Variants in SLC24A2 observed in about 807,000 individuals in gnomAD.
SLC24A2 encodes the protein solute carrier family 24 member 2.
SLC24A2 carries 36 observed loss-of-function variants against 62.0 expected under a neutral mutation model. The observed-to-expected ratio is 0.58, with a 90% CI of 0.44 to 0.77. The LOEUF (loss-of-function observed/expected upper bound fraction) is 0.77. Among genes scored for constraint, SLC24A2 ranks in the 30% least tolerant of loss-of-function variants. The pLI, the probability that SLC24A2 is intolerant of heterozygous loss-of-function variation, is 0.00. For missense variants in SLC24A2, 846 were observed against 817.9 expected (o/e 1.03, Z -0.42); for synonymous variants, 358 against 294.0 (o/e 1.22, Z -2.23).
the SLC24A2 span, among the ~76,000 whole-genome samples, chr9:19,888,606 A>C: frequency 6.6e-6 from 1 of 152,158 alleles, no homozygotes; most frequent in Non-Finnish European, 1.5e-5. Flanking sequence ...GGGATTCTGG[A>C]AGAGTAGAAA....
At chr9:20,094,843 A>T in the SLC24A2 span, among the ~76,000 whole-genome samples, 1 of 152,114 alleles carries the variant, frequency 6.6e-6, no homozygotes, top group East Asian at 1.9e-4. Context: ...GAAATGGTAA[A>T]CCAGTGGATT....
At chr9:19,807,217 G>T in the SLC24A2 span, among the ~76,000 whole-genome samples, 3 of 152,206 alleles carry the variant, frequency 2.0e-5, no homozygotes, top group Non-Finnish European at 4.4e-5. Context: ...TATAATGCCA[G>T]TACTTTAAGT....
At chr9:19,589,817 G>A (rs1274503308) in intron 5 of SLC24A2, among the ~76,000 whole-genome samples, 1 of 152,146 alleles carries the variant, frequency 6.6e-6, no homozygotes, top group Non-Finnish European at 1.5e-5. Flanking sequence ...GTAGACTGCA[G>A]ATCAATGTCT....
the SLC24A2 span, among the ~76,000 whole-genome samples, chr9:20,271,128 C>A: frequency 1.3e-5 from 2 of 152,166 alleles, no homozygotes; most frequent in Admixed American, 6.6e-5. Context: ...CCATAAAGGG[C>A]TCCCATAGAG....
the SLC24A2 span, among the ~76,000 whole-genome samples, chr9:20,166,552 G>T: frequency 6.6e-6 from 1 of 151,884 alleles, no homozygotes; most frequent in Non-Finnish European, 1.5e-5. Context: ...CAATGTACAG[G>T]AGTATATATG....
At chr9:19,725,349 C>G (rs1821140802) in intron 2 of SLC24A2, among the ~76,000 whole-genome samples, 1 of 152,150 alleles carries the variant, frequency 6.6e-6, no homozygotes, top group African/African-American at 2.4e-5. Context: ...GTTGTTTTCT[C>G]AGTAGCTAAA....
the SLC24A2 span, among the ~76,000 whole-genome samples, chr9:20,030,512 A>C: frequency 6.6e-6 from 1 of 152,146 alleles, no homozygotes; most frequent in Non-Finnish European, 1.5e-5. Flanking sequence ...GGCTGCACCA[A>C]TACGGTGAGC....
At chr9:19,692,146 T>C (rs2118470194) in intron 2 of SLC24A2, among the ~76,000 whole-genome samples, 1 of 152,306 alleles carries the variant, frequency 6.6e-6, no homozygotes, top group Non-Finnish European at 1.5e-5. Context: ...CATAGATGAA[T>C]GGCAATTATG....
the SLC24A2 span, among the ~76,000 whole-genome samples, chr9:19,822,938 T>C: frequency 6.6e-6 from 1 of 152,092 alleles, no homozygotes; most frequent in Non-Finnish European, 1.5e-5. Flanking sequence ...GCAGCCTCCT[T>C]CCTTCCTCTT....
chr9:19,724,122 G>C (rs1821105451), intron 2 of SLC24A2, among the ~76,000 whole-genome samples: 2 of 152,086 alleles, frequency 1.3e-5, no homozygotes, highest in African/African-American at 2.4e-5. Flanking sequence ...TGACACATTT[G>C]TTCCACCTGG....
chr9:19,860,232 T>C, the SLC24A2 span, among the ~76,000 whole-genome samples: 1 of 152,266 alleles, frequency 6.6e-6, no homozygotes, highest in South Asian at 2.1e-4. Flanking sequence ...GGGAGGACTT[T>C]ATTTTACATC....
the SLC24A2 span, among the ~76,000 whole-genome samples, chr9:19,999,716 G>T: frequency 6.6e-6 from 1 of 152,288 alleles, no homozygotes; most frequent in Admixed American, 6.5e-5. Context: ...GTCAGTGAGT[G>T]AGCAGTTATG....
chr9:20,073,919 G>GATATATATATAT, the SLC24A2 span, among the ~76,000 whole-genome samples: 11 of 140,794 alleles, frequency 7.8e-5, no homozygotes, highest in African/African-American at 2.3e-4. Flanking sequence ...CTTGTGGGGA[G>GATATATATATAT]ATATATATAT....
chr9:20,042,113 G>A, the SLC24A2 span, among the ~76,000 whole-genome samples: 3 of 152,204 alleles, frequency 2.0e-5, no homozygotes. Flanking sequence ...TCCCTGGTGG[G>A]CAGACTGTGG....
chr9:19,874,155 C>T, the SLC24A2 span, among the ~76,000 whole-genome samples: 1 of 147,742 alleles, frequency 6.8e-6, no homozygotes, highest in Non-Finnish European at 1.5e-5. Context: ...TCTTGGCTCA[C>T]TGCAACCTCT....
At chr9:20,077,785 C>G in the SLC24A2 span, among the ~76,000 whole-genome samples, 2 of 152,162 alleles carry the variant, frequency 1.3e-5, no homozygotes, top group Non-Finnish European at 2.9e-5. Context: ...CCAAGTCATC[C>G]CTGGTAATCC....
chr9:19,904,028 G>C, the SLC24A2 span, among the ~76,000 whole-genome samples: 2 of 152,270 alleles, frequency 1.3e-5, no homozygotes, highest in Non-Finnish European at 1.5e-5. Flanking sequence ...AGGTCTAATG[G>C]GACAAGTCAT....
At chr9:19,593,954 C>G (rs1208470908) in intron 5 of SLC24A2, among the ~76,000 whole-genome samples, 1 of 151,992 alleles carries the variant, frequency 6.6e-6, no homozygotes, top group Non-Finnish European at 1.5e-5. Context: ...ATATATAAGC[C>G]CACAGCACTG....
At chr9:19,560,359 A>C (rs1237693745) in intron 7 of SLC24A2, among the ~76,000 whole-genome samples, 1 of 140,620 alleles carries the variant, frequency 7.1e-6, no homozygotes, top group Non-Finnish European at 1.5e-5. Context: ...CTGTATTCAG[A>C]GATGAGGCCT....
Sources: allele counts gnomAD v4.1 joint callset (sites outside exome capture counted in the v4.1 genomes callset), GRCh38; gene constraint gnomAD v4.1.1; transcripts MANE v1.5; gene names NCBI Gene and HGNC (gene_info 2026-07-23, HGNC 2026-07-21).